The following HJV variants were observed in gnomAD, a reference collection of about 807,000 sequenced individuals.
The protein encoded by HJV is hemojuvelin BMP co-receptor.
HJV carries 18 observed loss-of-function variants against 22.7 expected under a neutral mutation model. That is an observed-to-expected ratio of 0.79 (90% confidence interval 0.55 to 1.18). The LOEUF is 1.18. Among genes scored for constraint, HJV ranks in the 50% most tolerant of loss-of-function variants. The pLI is 0.00. For missense variants in HJV, 572 were observed against 553.0 expected (o/e 1.03, Z -0.34); for synonymous variants, 229 against 222.7 (o/e 1.03, Z -0.25).
In HJV at chr1:146,020,210, G is replaced by C. The variant is rs782392339; in HGVS notation, c.22C>G (p.Pro8Ala). 3.7e-6 allele frequency: 6 copies of C among 1,613,062 alleles called. No individual in the cohort carries two copies. The highest frequency in any genetic ancestry group is 4.2e-6 in the Non-Finnish European group (5 of 1,179,074). Residue 8 changes from proline (P) to alanine (A), a missense_variant, in exon 2 of 4, where the codon CCT (proline) becomes GCT (alanine). Physicochemically the swap from Pro to Ala is conservative, Grantham distance 27. Transcript: ENST00000336751. MGEPGQS[P>A]SPRSSHGSPP... ...CTGCCATGGGAGGACCTGGGACTAG[G>C]GGACTGGCCTGGCTCCCCCATACCT... is the stretch of plus-strand genomic sequence containing the variant.
At position 146,018,208 on chromosome 1, in the gene HJV, C is replaced by A. The variant is rs1167911802; in HGVS notation, c.1150G>T (p.Ala384Ser). 6.2e-7 allele frequency: 1 copy of A among 1,614,198 alleles called. No individual in the cohort carries two copies. Among genetic ancestry groups the A allele is most frequent in the Admixed American group, 1.7e-5 (1 of 60,024 alleles). Residue 384 changes from alanine (A) to serine (S), a missense_variant, in exon 4 of 4, where the codon GCC (alanine) becomes TCC (serine). Coordinates refer to ENST00000336751, the MANE Select transcript of HJV (RefSeq NM_213653.4). Reference sequence around the variant, plus strand: ...TCTAAGTCTGGCAGGAAGGCTCGGGCATCCTCCAGTGCTGCCTGAGCTGCC... The same window carrying A: ...TCTAAGTCTGGCAGGAAGGCTCGGGAATCCTCCAGTGCTGCCTGAGCTGCC... ...TVAAQAALEDARAFLPDLEKL... is the reference protein window; with the variant it reads ...TVAAQAALEDSRAFLPDLEKL...
intron 3 of HJV, among the ~76,000 whole-genome samples, chr1:146,018,937 C>A (rs782574297): frequency 6.6e-6 from 1 of 152,200 alleles, no homozygotes; most frequent in Non-Finnish European, 1.5e-5. Context: ...TGAAACTCCT[C>A]AGGTCCGCCC....
intron 1 of HJV, 64 bp from the exon 2 acceptor site, chr1:146,020,384 TGGAGTGAATCTGG>T: frequency 3.0e-6 from 2 of 672,360 alleles, no homozygotes; most frequent in Admixed American, 4.3e-5. Context: ...AAGGATAATG[TGGAGTGAATCTGG>T]GGAGATCAAG....
At position 146,020,397 on chromosome 1, in the gene HJV, G is replaced by T. The variant is rs1374282484; in HGVS notation, c.-89-77C>A. On this transcript the variant is annotated intron_variant, in intron 1 of 3. Transcript: ENST00000336751. The stretch of plus-strand genomic sequence containing the variant: ...GTAAGGATAATGTGGAGTGAATCTG[G>T]GGAGATCAAGAAAAGGATGAACAGA... 5 of 625,998 alleles carry T rather than the reference G, an allele frequency of 8.0e-6. No individual in the cohort carries two copies. In the Admixed American group the frequency reaches 1.2e-4, roughly 15 times the overall value. 38.8% of individuals were successfully genotyped at this position (625,998 alleles called of 1,614,324 possible).
At position 146,018,177 on chromosome 1, in the gene HJV, A is replaced by T. The variant is rs782168937; in HGVS notation, c.1181T>A (p.Leu394Gln). 1 of 1,614,148 alleles carries T rather than the reference A, an allele frequency of 6.2e-7. No individual in the cohort carries two copies. The highest frequency in any genetic ancestry group is 2.2e-5 in the East Asian group (1 of 44,878). ...CCCAGCATCTGAGGGGAAGAGATGC[A>T]GCTTCTCTAAGTCTGGCAGGAAGGC... ...ARAFLPDLEK[L>Q]HLFPSDAGVP... Residue 394 changes from leucine to glutamine, a missense_variant, in exon 4 of 4, where the codon CTG (leucine) becomes CAG (glutamine). Transcript: ENST00000336751.
chr1:146,019,512 A>T lies in HJV; in HGVS notation c.320T>A (p.Val107Glu). 6.2e-7 allele frequency: 1 copy of T among 1,612,908 alleles called. No individual in the cohort carries two copies. The highest frequency in any genetic ancestry group is 8.5e-7 in the Non-Finnish European group (1 of 1,179,880). ...CRGDLAFHSA[V>E]HGIEDLMIQH... ...GATCATCAGGTCTTCGATGCCATGT[A>T]CCGCCGAATGGAAGGCGAGGTCCCC... Residue 107 changes from valine to glutamate, a missense_variant, in exon 3 of 4, where the codon GTA (valine) becomes GAA (glutamate). By Grantham distance (121) the Val-to-Glu change is moderately radical. Coordinates refer to ENST00000336751, the MANE Select transcript of HJV (RefSeq NM_213653.4).
rs372620405 is a variant in HJV, at chr1:146,020,093, A to G, written c.97+42T>C. 1.9e-5 allele frequency: 26 copies of G among 1,375,732 alleles called. No individual in the cohort carries two copies. In the African/African-American group the frequency reaches 2.7e-4, roughly 14 times the overall value. The allele number at this position is 1,375,732 out of a possible 1,614,324, so 85.2% of individuals were successfully genotyped here. A position where few individuals can be genotyped will look rare whatever the true frequency, so the allele number is the denominator to read the frequency against. On this transcript the variant is annotated intron_variant, in intron 2 of 3. Transcript: ENST00000336751. ...CATGCCCACCCCTACATAGCAGCCT[A>G]CCCTCTAGATTTCCCCAAACCCTTC...
Position 146,020,157 on chromosome 1 carries a change from G to A in HJV, c.75C>T (p.Leu25=), listed in dbSNP as rs1241559760. The A allele has an allele frequency of 1.2e-6, 2 of 1,611,492 alleles. No individual in the cohort carries two copies. The highest frequency in any genetic ancestry group is 1.1e-5 in the South Asian group (1 of 91,004). The change falls in exon 2 of 4, where the codon CTC becomes CTT. Residue 25 remains leucine, a synonymous_variant. Coordinates refer to ENST00000336751, the MANE Select transcript of HJV (RefSeq NM_213653.4). ...TACCATGTCCACAGAGGAGCAGCAGGAGAGTGAGAGTGCTTAGAGTTGGGG... is the reference window on the plus strand; with the variant it reads ...TACCATGTCCACAGAGGAGCAGCAGAAGAGTGAGAGTGCTTAGAGTTGGGG... ...GSPPTLSTLT[L]LLLLCGHAHS...
Position 146,019,338 on chromosome 1 carries a change from A to C in HJV, c.494T>G (p.Leu165Trp). 6.2e-7 allele frequency: 1 copy of C among 1,613,866 alleles called. No individual in the cohort carries two copies. Among genetic ancestry groups the C allele is most frequent in the Non-Finnish European group, 8.5e-7 (1 of 1,180,042 alleles). Reference sequence around the variant, plus strand: ...GGGGTCCCCGAAGGAAGCGCAATGCAAGAACCCCGGGGGACGACCATGCAG... The same window carrying C: ...GGGGTCCCCGAAGGAAGCGCAATGCCAGAACCCCGGGGGACGACCATGCAG... ...SRLHGRPPGF[L>W]HCASFGDPHV... Residue 165 changes from leucine (L) to tryptophan (W), a missense_variant, in exon 3 of 4, where the codon TTG becomes TGG. Coordinates refer to ENST00000336751, the MANE Select transcript of HJV (RefSeq NM_213653.4).
At position 146,018,008 on chromosome 1, in the gene HJV, T is replaced by C; in HGVS notation, c.*69A>G. The C allele has an allele frequency of 6.4e-7, 1 of 1,552,692 alleles. No homozygotes were observed. Among genetic ancestry groups the C allele is most frequent in the South Asian group, 1.1e-5 (1 of 88,884 alleles). ...TAGGCCCTGCTTCCTTTAATGATTC[T>C]TTACATTCTTCTATGCCAATCTGTA... On this transcript the variant is annotated 3_prime_UTR_variant, in exon 4 of 4. Transcript: ENST00000336751.
At chr1:146,019,870 C>T (rs1435760076) in intron 2 of HJV, 136 bp from the exon 3 acceptor site, 14 of 1,335,952 alleles carry the variant, frequency 1.0e-5, no homozygotes, top group Admixed American at 1.9e-5. Flanking sequence ...CCTTCCCCAG[C>T]CCCCAACCCC....
Position 146,017,827 on chromosome 1 carries a change from T to C in HJV, c.*250A>G, listed in dbSNP as rs1652424194. 1.9e-6 allele frequency: 1 copy of C among 520,960 alleles called. No individual in the cohort carries two copies. The highest frequency in any genetic ancestry group is 3.4e-5 in the Admixed American group (1 of 29,416). The allele number at this position is 520,960 out of a possible 1,614,324, so 32.3% of individuals were successfully genotyped here. The stretch of plus-strand genomic sequence containing the variant: ...ATCTGCAGTAAATGGATTAGAACAA[T>C]TTGTTTACTATAAATGAGGCTGGAA... On this transcript the variant is annotated 3_prime_UTR_variant, in exon 4 of 4. Coordinates refer to ENST00000336751, the MANE Select transcript of HJV (RefSeq NM_213653.4).
rs1370379409 is a variant in HJV, at chr1:146,017,804, C to A, written c.*273G>T. The A allele has an allele frequency of 6.7e-6, 3 of 447,652 alleles. No homozygotes were observed. The highest frequency in any genetic ancestry group is 4.2e-6 in the Non-Finnish European group (1 of 238,096). 27.7% of individuals were successfully genotyped at this position (447,652 alleles called of 1,614,324 possible). On this transcript the variant is annotated 3_prime_UTR_variant, in exon 4 of 4. Coordinates refer to ENST00000336751, the MANE Select transcript of HJV (RefSeq NM_213653.4). ...ACCTCTAAACTTATAAGGGTGAAAT[C>A]TGCAGTAAATGGATTAGAACAATTT...
intron 2 of HJV, 36 bp downstream of exon 2, chr1:146,020,099 T>C (rs782084573): frequency 2.6e-5 from 38 of 1,440,782 alleles, no homozygotes; most frequent in Non-Finnish European, 3.6e-5. Context: ...GCCTACCCTC[T>C]AGATTTCCCC....
At position 146,019,473 on chromosome 1, in the gene HJV, G is replaced by A; in HGVS notation, c.359C>T (p.Ser120Phe). The change falls in exon 3 of 4, where the codon TCC becomes TTC. Residue 120 changes from serine (S) to phenylalanine (F), a missense_variant. Transcript: ENST00000336751. ...IEDLMIQHNC[S>F]RQGPTAPPPP... Reference sequence around the variant, plus strand: ...GGGAGGGGCTGTAGGGCCCTGGCGGGAGCAGTTGTGCTGGATCATCAGGTC... The same window carrying A: ...GGGAGGGGCTGTAGGGCCCTGGCGGAAGCAGTTGTGCTGGATCATCAGGTC... 6.2e-7 allele frequency: 1 copy of A among 1,612,814 alleles called. No homozygotes were observed. The highest frequency in any genetic ancestry group is 1.1e-5 in the South Asian group (1 of 91,086).
In HJV at chr1:146,018,550, G is replaced by C; in HGVS notation, c.808C>G (p.Pro270Ala). The change falls in exon 4 of 4, where the codon CCT becomes GCT. Residue 270 changes from proline to alanine, a missense_variant. Transcript: ENST00000336751. ...GCTTGGATCTCCACATGGTTCCCAG[G>C]GTTAGCAGTTTGAATCGACAAACTG... ...GSSLSIQTAN[P>A]GNHVEIQAAY... The C allele has an allele frequency of 6.2e-7, 1 of 1,614,110 alleles. No individual in the cohort carries two copies. Among genetic ancestry groups the C allele is most frequent in the Non-Finnish European group, 8.5e-7 (1 of 1,180,026 alleles).
rs56025621 is a variant in HJV, at chr1:146,019,740, G to A, written c.98-6C>T. 2.5e-6 allele frequency: 4 copies of A among 1,614,000 alleles called. No homozygotes were observed. The highest frequency in any genetic ancestry group is 2.5e-6 in the Non-Finnish European group (3 of 1,180,002). ...GATCTTGCATTGAGAATGAGCTAAA[G>A]ACAGAAGGGAGAGGATTGTGAGACG... On this transcript the variant is annotated splice_polypyrimidine_tract_variant and splice_region_variant and intron_variant, in intron 2 of 3. Transcript: ENST00000336751.
intron 2 of HJV, among the ~76,000 whole-genome samples, 188 bp downstream of exon 2, chr1:146,019,947 C>G (rs1296873296): frequency 2.0e-5 from 3 of 152,064 alleles, no homozygotes; most frequent in African/African-American, 7.2e-5. Flanking sequence ...TTCTGCCTGT[C>G]GACCAAGGGC....
chr1:146,018,905 G>A (rs1188826078), intron 3 of HJV, among the ~76,000 whole-genome samples: 6 of 152,134 alleles, frequency 3.9e-5, no homozygotes, highest in Non-Finnish European at 4.4e-5. Flanking sequence ...CAACTTCCTA[G>A]GAGAGGGAAA....
Sources: allele counts gnomAD v4.1 joint callset (sites outside exome capture counted in the v4.1 genomes callset), GRCh38; gene constraint gnomAD v4.1.1; transcripts MANE v1.5; gene names NCBI Gene and HGNC (gene_info 2026-07-23, HGNC 2026-07-21).